The following SPRED2 variants were observed in gnomAD, a reference collection of about 807,000 sequenced individuals.
SPRED2 encodes sprouty related EVH1 domain containing 2.
A neutral mutation model predicts 43.0 loss-of-function variants in SPRED2; 47 were observed. The observed-to-expected ratio is 1.09, with a 90% CI of 0.87 to 1.40. SPRED2 has a LOEUF of 1.40. Among genes scored for constraint, SPRED2 ranks in the 40% most tolerant of loss-of-function variants. SPRED2 has a pLI of 0.00. For missense variants in SPRED2, 561 were observed against 586.4 expected (o/e 0.96, Z 0.45); for synonymous variants, 225 against 225.7 (o/e 1.00, Z 0.03).
At chr2:65,431,419 C>G (rs1246776244) in intron 1 of SPRED2, among the ~76,000 whole-genome samples, 1 of 151,824 alleles carries the variant, frequency 6.6e-6, no homozygotes, top group Non-Finnish European at 1.5e-5. Context: ...GACCCCCGCG[C>G]AGCCCGCGCC....
chr2:65,423,469 C>T (rs927451145), intron 1 of SPRED2, among the ~76,000 whole-genome samples: 2 of 152,174 alleles, frequency 1.3e-5, no homozygotes, highest in African/African-American at 4.8e-5. Flanking sequence ...ACAAAAACTA[C>T]CAGGACACCA....
At chr2:65,423,290 C>CAGGAATGGCGT (rs1342640766) in intron 1 of SPRED2, among the ~76,000 whole-genome samples, 1 of 152,176 alleles carries the variant, frequency 6.6e-6, no homozygotes, top group Admixed American at 6.5e-5. Flanking sequence ...GACCACATAT[C>CAGGAATGGCGT]AGGAATGGCG....
chr2:65,340,473 A>C (rs1416750437), intron 2 of SPRED2, among the ~76,000 whole-genome samples: 3 of 152,246 alleles, frequency 2.0e-5, no homozygotes, highest in African/African-American at 7.2e-5. Context: ...ATGGGCAATG[A>C]CTGGAATGAT....
intron 1 of SPRED2, among the ~76,000 whole-genome samples, chr2:65,353,808 C>T (rs1413085214): frequency 1.3e-5 from 2 of 152,288 alleles, no homozygotes; most frequent in African/African-American, 2.4e-5. Context: ...ATTTCCCCAT[C>T]GCTGAGTGCT....
rs1483807666 is a variant in SPRED2, at chr2:65,316,841, G to C, written c.481C>G (p.Gln161Glu). 4 of 1,613,770 alleles carry C rather than the reference G, an allele frequency of 2.5e-6. No individual in the cohort carries two copies. Among genetic ancestry groups the C allele is most frequent in the Non-Finnish European group, 3.4e-6 (4 of 1,179,950 alleles). The change falls in exon 5 of 6, where the codon CAA becomes GAA. Residue 161 changes from glutamine (Q) to glutamate (E), a missense_variant. Around this residue, in one of 6 missense-constraint regions of SPRED2, gnomAD observed 305 missense variants for 282.4 expected, o/e 1.08. Coordinates refer to ENST00000356388, the MANE Select transcript of SPRED2 (RefSeq NM_181784.3). ...GGAGAGGAGATTGTCCGAGTAGGTT[G>C]CTCTCTCTTCTGAGAGGAATTAGAA... ...SSSNSSQKRE[Q>E]PTRTISSPTS...
chr2:65,403,217 A>G (rs1262263891), intron 1 of SPRED2, among the ~76,000 whole-genome samples: 3 of 152,224 alleles, frequency 2.0e-5, no homozygotes, highest in Non-Finnish European at 4.4e-5. Flanking sequence ...ACTATTAAAT[A>G]TTTCCAGAAG....
rs1435241851 is a variant in SPRED2, at chr2:65,427,739, CAGA to C, written c.26+4220_26+4222del. 2.0e-5 allele frequency among the ~76,000 whole-genome samples: 3 copies of C among 152,150 alleles called. 1 individual carries two copies. The highest frequency in any genetic ancestry group is 7.2e-5 in the African/African-American group (3 of 41,438). On this transcript the variant is annotated intron_variant, in intron 1 of 5. Coordinates refer to ENST00000356388, the MANE Select transcript of SPRED2 (RefSeq NM_181784.3). ...TGGCAATGACAGATTGTCACCAGTT[CAGA>C]AGAATAATGAACAAGCATGATTGGC... is the stretch of plus-strand genomic sequence containing the variant.
chr2:65,327,259 G>A (rs181695526), intron 4 of SPRED2, among the ~76,000 whole-genome samples: 2 of 152,302 alleles, frequency 1.3e-5, no homozygotes, highest in Admixed American at 1.3e-4. Context: ...GAGCAGGAAG[G>A]CTGGGTTTCA....
At chr2:65,399,226 G>A (rs910674188) in intron 1 of SPRED2, among the ~76,000 whole-genome samples, 6 of 146,798 alleles carry the variant, frequency 4.1e-5, no homozygotes, top group South Asian at 2.2e-4. Context: ...CCGAGATCAC[G>A]CCATTGCACT....
intron 1 of SPRED2, among the ~76,000 whole-genome samples, chr2:65,413,113 A>G (rs1305111568): frequency 1.3e-4 from 20 of 152,238 alleles, no homozygotes; most frequent in Admixed American, 1.3e-3. Context: ...TAAATTGTCC[A>G]GCAAGTGACC....
rs1284080139 is a variant in SPRED2 at position 65,391,599 on chromosome 2, T to C, written c.26+40363A>G. 2.6e-5 allele frequency among the ~76,000 whole-genome samples: 4 copies of C among 152,232 alleles called. No homozygotes were observed. The South Asian group carries it at 6.2e-4, about 24-fold the overall frequency. ...GTTCCAGGTGGCTTAACCATTGTAA[T>C]AGGTTCTTATCAACAGTTTCACTCA... On this transcript the variant is annotated intron_variant, in intron 1 of 5. Transcript: ENST00000356388.
intron 1 of SPRED2, among the ~76,000 whole-genome samples, chr2:65,383,019 C>G (rs1165169573): frequency 1.1e-4 from 17 of 152,232 alleles, no homozygotes. Context: ...TCTCCAAGTT[C>G]CGCTGCGGCA....
At chr2:65,385,528 G>A (rs1675474589) in intron 1 of SPRED2, among the ~76,000 whole-genome samples, 1 of 152,146 alleles carries the variant, frequency 6.6e-6, no homozygotes, top group African/African-American at 2.4e-5. Context: ...GTGGAGGGGA[G>A]GCGTGGCAGA....
chr2:65,356,536 C>CTTTTTTTTTTTTTTTTT (rs1274369940), intron 1 of SPRED2, among the ~76,000 whole-genome samples: 3 of 60,582 alleles, frequency 5.0e-5, no homozygotes, highest in Non-Finnish European at 9.9e-5. Context: ...CCAGTTCCCT[C>CTTTTTTTTTTTTTTTTT]TTTTTTTTTT....
At chr2:65,359,990 C>T (rs35470201) in intron 1 of SPRED2, among the ~76,000 whole-genome samples, 40,321 of 144,436 alleles carry the variant, frequency 0.28, 6,766 homozygotes, top group East Asian at 0.7. Context: ...GCTAGAACCC[C>T]GGAGGCGGAG....
At chr2:65,425,360 T>C (rs1402993022) in intron 1 of SPRED2, among the ~76,000 whole-genome samples, 1 of 152,196 alleles carries the variant, frequency 6.6e-6, no homozygotes. Context: ...TTTCTTTACC[T>C]TTACCCTCTA....
intron 1 of SPRED2, among the ~76,000 whole-genome samples, chr2:65,412,705 G>A (rs1285364205): frequency 1.3e-5 from 2 of 152,122 alleles, no homozygotes; most frequent in African/African-American, 4.8e-5. Context: ...AGATCAGTAT[G>A]AGAATACAGC....
intron 1 of SPRED2, among the ~76,000 whole-genome samples, chr2:65,354,289 C>G (rs1674586222): frequency 6.6e-6 from 1 of 152,172 alleles, no homozygotes; most frequent in South Asian, 2.1e-4. Flanking sequence ...AGCGGCAAAT[C>G]TATATGGACT....
chr2:65,315,959 A>G (rs952443935), intron 5 of SPRED2, among the ~76,000 whole-genome samples: 2 of 152,246 alleles, frequency 1.3e-5, no homozygotes, highest in Non-Finnish European at 2.9e-5. Flanking sequence ...CACCTGGCCA[A>G]TAATGTGATT....
Sources: gnomAD v4.1 joint callset for allele counts (sites outside exome capture counted in the v4.1 genomes callset) on GRCh38, gnomAD v4.1.1 for gene constraint, gnomAD v4.1.1 regional missense constraint, MANE v1.5 for transcripts, NCBI Gene and HGNC (gene_info 2026-07-23, HGNC 2026-07-21) for gene names.